ASAP1: variants seen among roughly 807,000 people sequenced by gnomAD.
ASAP1 encodes ArfGAP with SH3 domain, ankyrin repeat and PH domain 1, also known as arf-GAP with SH3 domain, ANK repeat and PH domain-containing protein 1.
In ASAP1, 43 loss-of-function variants were observed where a neutral mutation model predicts 145.2. The ratio of observed to expected loss-of-function variants is 0.30; its 90% confidence interval spans 0.23 to 0.38. The LOEUF is 0.38. ASAP1 is among the 10% of genes least tolerant of loss of function. The pLI, the probability that ASAP1 is intolerant of heterozygous loss-of-function variation, is 1.00. For synonymous variants in ASAP1, 546 were observed against 515.5 expected, an observed-to-expected ratio of 1.06 and a Z score of -0.80; for missense variants, 1,018 against 1,355.3, an observed-to-expected ratio of 0.75 and a Z score of 3.91.
intron 1 of ASAP1, among the ~76,000 whole-genome samples, chr8:130,432,535 T>C (rs1292948538): frequency 6.6e-6 from 1 of 152,158 alleles, no homozygotes. Context: ...AGGTGTTTTT[T>C]AGTTACAAAT....
chr8:130,186,556 G>A (rs1315311649), intron 7 of ASAP1, among the ~76,000 whole-genome samples: 1 of 152,014 alleles, frequency 6.6e-6, no homozygotes, highest in Non-Finnish European at 1.5e-5. Flanking sequence ...GTATCGAGAT[G>A]GGCCGAGCAC....
At chr8:130,219,825 T>C (rs981246185) in intron 4 of ASAP1, among the ~76,000 whole-genome samples, 2 of 152,202 alleles carry the variant, frequency 1.3e-5, no homozygotes, top group African/African-American at 4.8e-5. Flanking sequence ...GTCTTGCTAT[T>C]GTAGACCTGC....
chr8:130,079,593 A>C (rs1019968488), intron 26 of ASAP1, among the ~76,000 whole-genome samples: 1 of 152,206 alleles, frequency 6.6e-6, no homozygotes, highest in African/African-American at 2.4e-5. Context: ...ATAAAAACTC[A>C]TTCTGACAGG....
intron 3 of ASAP1, among the ~76,000 whole-genome samples, chr8:130,277,299 G>T (rs1465248806): frequency 6.6e-6 from 1 of 152,112 alleles, no homozygotes; most frequent in East Asian, 1.9e-4. Context: ...GCAGCCACTT[G>T]GTAACGAGGA....
intron 3 of ASAP1, among the ~76,000 whole-genome samples, chr8:130,248,225 G>C (rs1263237197): frequency 6.6e-6 from 1 of 152,102 alleles, no homozygotes; most frequent in Admixed American, 6.6e-5. Context: ...GGGTGCCGGG[G>C]GGGTTGGAGG....
At chr8:130,327,931 T>C (rs560635195) in intron 3 of ASAP1, among the ~76,000 whole-genome samples, 115 of 152,300 alleles carry the variant, frequency 7.6e-4, no homozygotes, top group African/African-American at 2.5e-3. Context: ...GATGGTTTGG[T>C]AGACTAATGA....
At chr8:130,234,797 T>C (rs545537362) in intron 4 of ASAP1, among the ~76,000 whole-genome samples, 30 of 152,164 alleles carry the variant, frequency 2.0e-4, no homozygotes, top group Non-Finnish European at 3.7e-4. Flanking sequence ...GTACAAACCA[T>C]CATCACATTA....
chr8:130,292,035 G>C (rs546287219), intron 3 of ASAP1, among the ~76,000 whole-genome samples: 9 of 152,316 alleles, frequency 5.9e-5, no homozygotes, highest in African/African-American at 2.2e-4. Flanking sequence ...CTGGAGAGGA[G>C]CTGAACTGAG....
At chr8:130,329,611 A>C (rs372329179) in intron 3 of ASAP1, among the ~76,000 whole-genome samples, 3 of 152,372 alleles carry the variant, frequency 2.0e-5, no homozygotes, top group African/African-American at 7.2e-5. Context: ...CAAATATGTT[A>C]CTGGCTCATA....
intron 3 of ASAP1, among the ~76,000 whole-genome samples, chr8:130,268,180 T>A (rs1246877080): frequency 6.6e-6 from 1 of 152,144 alleles, no homozygotes; most frequent in Non-Finnish European, 1.5e-5. Flanking sequence ...TATTATTATG[T>A]GGCCCTCAAA....
At chr8:130,247,336 TAAGAA>T in intron 3 of ASAP1, among the ~76,000 whole-genome samples, 1 of 152,168 alleles carries the variant, frequency 6.6e-6, no homozygotes, top group Non-Finnish European at 1.5e-5. Flanking sequence ...CAGTAACTTA[TAAGAA>T]GGTTTCTATT....
chr8:130,323,911 A>G (rs1824168739), intron 3 of ASAP1, among the ~76,000 whole-genome samples: 1 of 152,150 alleles, frequency 6.6e-6, no homozygotes, highest in African/African-American at 2.4e-5. Context: ...CCAGAAACAA[A>G]AAGATGCAGA....
At chr8:130,420,539 T>C (rs1161995739) in intron 1 of ASAP1, among the ~76,000 whole-genome samples, 1 of 152,128 alleles carries the variant, frequency 6.6e-6, no homozygotes, top group Non-Finnish European at 1.5e-5. Flanking sequence ...AGCCAAGGAA[T>C]GGAATGGATA....
At chr8:130,197,313 C>A (rs1166132409) in intron 5 of ASAP1, among the ~76,000 whole-genome samples, 2 of 152,228 alleles carry the variant, frequency 1.3e-5, no homozygotes, top group Non-Finnish European at 2.9e-5. Flanking sequence ...GCCTAAACCT[C>A]AGCTGCTCAG....
chr8:130,442,084 T>A (rs1192755490), intron 1 of ASAP1, among the ~76,000 whole-genome samples: 1 of 152,182 alleles, frequency 6.6e-6, no homozygotes, highest in Non-Finnish European at 1.5e-5. Context: ...TTAGGTGATT[T>A]TTGTTTTTTT....
chr8:130,295,606 T>C (rs1309389401), intron 3 of ASAP1, among the ~76,000 whole-genome samples: 1 of 152,198 alleles, frequency 6.6e-6, no homozygotes, highest in Non-Finnish European at 1.5e-5. Flanking sequence ...GTTAATTACA[T>C]GTGACTGATG....
At chr8:130,371,018 G>C (rs998457039) in intron 2 of ASAP1, among the ~76,000 whole-genome samples, 1 of 152,130 alleles carries the variant, frequency 6.6e-6, no homozygotes, top group Admixed American at 6.5e-5. Flanking sequence ...CCACTGAATT[G>C]TATATCTTAA....
At chr8:130,442,107 T>C (rs943761690) in intron 1 of ASAP1, among the ~76,000 whole-genome samples, 4 of 152,148 alleles carry the variant, frequency 2.6e-5, no homozygotes, top group South Asian at 2.1e-4. Context: ...ACTCCCTATC[T>C]CAAAATATGC....
intron 3 of ASAP1, among the ~76,000 whole-genome samples, chr8:130,308,035 T>C (rs1000720751): frequency 6.6e-6 from 1 of 152,256 alleles, no homozygotes; most frequent in Non-Finnish European, 1.5e-5. Flanking sequence ...TTAAAACCCA[T>C]AGTCAATTTG....
Sources: allele counts gnomAD v4.1 joint callset (sites outside exome capture counted in the v4.1 genomes callset), GRCh38; gene constraint gnomAD v4.1.1; transcripts MANE v1.5; gene names NCBI Gene and HGNC (gene_info 2026-07-23, HGNC 2026-07-21).